Variants in KAZN observed in about 807,000 individuals in gnomAD.
KAZN encodes kazrin, periplakin interacting protein, also known as kazrin.
In KAZN, 40 loss-of-function variants were observed where a neutral mutation model predicts 87.4. The observed-to-expected ratio is 0.46, with a 90% CI of 0.36 to 0.60. The LOEUF (loss-of-function observed/expected upper bound fraction) is 0.60, where lower values mean the gene tolerates loss of function less well. Ranked by LOEUF, KAZN falls within the 20% of genes least tolerant of loss-of-function variation. The pLI, the probability that KAZN is intolerant of heterozygous loss-of-function variation, is 0.00. For synonymous variants in KAZN, 466 were observed against 458.3 expected, an observed-to-expected ratio of 1.02 and a Z score of -0.22; for missense variants, 898 against 1,073.9, an observed-to-expected ratio of 0.84 and a Z score of 2.29.
In KAZN at chr1:14,856,191, G is replaced by A. The variant is rs963885493; in HGVS notation, c.227-104493G>A. On this transcript the variant is annotated intron_variant, in intron 1 of 14. Transcript: ENST00000376030. This position sits in a 1 kb window ranked among gnomAD's most constrained non-coding sequence, Gnocchi z 5.2. ...GGCTGCAGCTCTTGGGAGGATAATG[G>A]GCATAGAAATTGGGGAGGGGATGAA... is the stretch of plus-strand genomic sequence containing the variant. Among the ~76,000 whole-genome samples, 2 of 152,120 alleles carry A rather than the reference G, an allele frequency of 1.3e-5. No homozygotes were observed. The highest frequency in any genetic ancestry group is 1.9e-4 in the East Asian group (1 of 5,184).
chr1:14,385,354 G>A (rs1158743108), intron 2 of KAZN, among the ~76,000 whole-genome samples: 1 of 152,044 alleles, frequency 6.6e-6, no homozygotes, highest in African/African-American at 2.4e-5. Context: ...CCTTCTGCTA[G>A]CTTTTGAATA....
chr1:15,094,257 C>G lies in KAZN; in HGVS notation c.1300C>G (p.Gln434Glu). 2 of 1,613,938 alleles carry G rather than the reference C, an allele frequency of 1.2e-6. No individual in the cohort carries two copies. Among genetic ancestry groups the G allele is most frequent in the South Asian group, 2.2e-5 (2 of 91,082 alleles). The change falls in exon 9 of 15, where the codon CAG (glutamine) becomes GAG (glutamate). Residue 434 changes from glutamine to glutamate, a missense_variant. Physicochemically the swap from Gln to Glu is conservative, Grantham distance 29 (BLOSUM62 2). This residue lies in a region of KAZN where 521 missense variants were observed against 689.4 expected (regional missense o/e 0.76). Coordinates refer to ENST00000376030, the MANE Select transcript of KAZN (RefSeq NM_201628.3). The surrounding 1 kb of genome is among the most constrained non-coding windows in gnomAD (Gnocchi z 4.5). ...EGEEQMDRLQ[Q>E]VELVRTTPMS... ...CGAGGAGCAGATGGACCGGCTGCAG[C>G]AGGTGGAGCTGGTGAGGACCACCCC...
chr1:14,809,727 A>G (rs1052856942), intron 1 of KAZN, among the ~76,000 whole-genome samples: 2 of 152,188 alleles, frequency 1.3e-5, no homozygotes, highest in Middle Eastern at 3.2e-3. Flanking sequence ...CAGCATGTAC[A>G]GTGCTCGCCG....
chr1:14,197,605 T>A (rs937217792), intron 2 of KAZN, among the ~76,000 whole-genome samples: 1 of 152,036 alleles, frequency 6.6e-6, no homozygotes, highest in Non-Finnish European at 1.5e-5. Context: ...GGAGAATCGT[T>A]TAAACCCAGG....
At chr1:14,768,473 G>A (rs948550069) in intron 1 of KAZN, among the ~76,000 whole-genome samples, 1 of 152,190 alleles carries the variant, frequency 6.6e-6, no homozygotes, top group Non-Finnish European at 1.5e-5. Flanking sequence ...TGCTGCCTTA[G>A]GATGTGTTGC....
intron 2 of KAZN, among the ~76,000 whole-genome samples, chr1:14,559,555 T>C (rs1674129292): frequency 6.6e-6 from 1 of 152,200 alleles, no homozygotes; most frequent in Admixed American, 6.5e-5. Context: ...TCAATGTGTT[T>C]GTGAGAATGG....
At chr1:14,614,232 A>G (rs984125060) in intron 1 of KAZN, among the ~76,000 whole-genome samples, 4 of 152,256 alleles carry the variant, frequency 2.6e-5, no homozygotes, top group Non-Finnish European at 5.9e-5. Flanking sequence ...CAGATTTATT[A>G]GAGAAGATGG....
chr1:14,314,948 G>A (rs1033687480), intron 2 of KAZN, among the ~76,000 whole-genome samples: 2 of 152,022 alleles, frequency 1.3e-5, no homozygotes, highest in African/African-American at 4.8e-5. Context: ...TTTGCATCTG[G>A]CTTTTTCACT....
chr1:14,111,537 T>C (rs1301922135), intron 1 of KAZN, among the ~76,000 whole-genome samples: 2 of 133,480 alleles, frequency 1.5e-5, no homozygotes, highest in Non-Finnish European at 3.2e-5. Flanking sequence ...AAGGAAATGG[T>C]TCGTTTTTCT....
intron 2 of KAZN, among the ~76,000 whole-genome samples, chr1:14,475,810 G>A (rs1668690190): frequency 6.6e-6 from 1 of 152,030 alleles, no homozygotes. Context: ...AGCCCAATGG[G>A]CATCTTTTTT....
rs536951010 is a variant in KAZN at position 14,514,281 on chromosome 1, C to T, written c.250-84702C>T. 9.0e-4 allele frequency among the ~76,000 whole-genome samples: 110 copies of T among 122,444 alleles called. No individual in the cohort carries two copies. In the East Asian group the frequency reaches 0.021, roughly 23 times the overall value. The allele number at this position is 122,444 out of a possible 152,430, so 80.3% of individuals were successfully genotyped here. The stretch of plus-strand genomic sequence containing the variant: ...CGGAGCTTGCAGTAAGCTGAGATCG[C>T]GCCACTGCACTCCAGCCTGGGTGAC... On this transcript the variant is annotated intron_variant, in intron 2 of 16. Coordinates refer to the KAZN transcript ENST00000636203.
chr1:13,963,909 T>G (rs929092752), intron 1 of KAZN, among the ~76,000 whole-genome samples: 6 of 152,126 alleles, frequency 3.9e-5, no homozygotes, highest in Admixed American at 1.3e-4. Flanking sequence ...CCAGCTGTGC[T>G]ATCTGGTTAC....
At chr1:14,480,148 T>A (rs1047412397) in intron 2 of KAZN, among the ~76,000 whole-genome samples, 3 of 152,240 alleles carry the variant, frequency 2.0e-5, no homozygotes, top group African/African-American at 7.2e-5. Context: ...AGCCTTCCCA[T>A]GTCACAGATG....
At chr1:15,000,564 G>A (rs556096194) in intron 2 of KAZN, among the ~76,000 whole-genome samples, 1 of 151,770 alleles carries the variant, frequency 6.6e-6, no homozygotes, top group Non-Finnish European at 1.5e-5. Flanking sequence ...GCCAAATGCT[G>A]CCCGGCCACT....
At chr1:14,799,375 G>A (rs973227007) in intron 1 of KAZN, among the ~76,000 whole-genome samples, 6 of 152,212 alleles carry the variant, frequency 3.9e-5, no homozygotes, top group African/African-American at 1.4e-4. Context: ...TGGGACACCT[G>A]TGGGAATGCC....
At chr1:14,207,658 T>C (rs1571018047) in intron 2 of KAZN, among the ~76,000 whole-genome samples, 1 of 152,196 alleles carries the variant, frequency 6.6e-6, no homozygotes. Flanking sequence ...CCCTTTAAAT[T>C]TGGGGGCTGG....
intron 2 of KAZN, among the ~76,000 whole-genome samples, chr1:14,457,055 G>A (rs1667605051): frequency 6.6e-6 from 1 of 152,186 alleles, no homozygotes; most frequent in Admixed American, 6.5e-5. Flanking sequence ...ACTCCAGCCT[G>A]GGTGACAGAG....
Position 15,011,054 on chromosome 1 carries a change from A to G in KAZN, c.419-23695A>G, listed in dbSNP as rs922850330. Among the ~76,000 whole-genome samples, 3 of 152,332 alleles carry G rather than the reference A, an allele frequency of 2.0e-5. No individual in the cohort carries two copies. The East Asian group carries it at 5.8e-4, about 29-fold the overall frequency. On this transcript the variant is annotated intron_variant, in intron 2 of 14. Coordinates refer to ENST00000376030, the MANE Select transcript of KAZN (RefSeq NM_201628.3). ...TTAGAAAAGTCAGATAACCCAAATG[A>G]TGTGTTCACCAAGATAGCCAAGGGT...
At chr1:14,355,184 G>T (rs895211736) in intron 2 of KAZN, among the ~76,000 whole-genome samples, 1 of 152,142 alleles carries the variant, frequency 6.6e-6, no homozygotes, top group East Asian at 1.9e-4. Flanking sequence ...GGTTGCTTTG[G>T]GTCAAGGAGG....
Sources: allele counts gnomAD v4.1 joint callset (sites outside exome capture counted in the v4.1 genomes callset), GRCh38; gene constraint gnomAD v4.1.1; regional missense constraint gnomAD v4.1.1; non-coding constraint Gnocchi (gnomAD v3.1); transcripts MANE v1.5; gene names NCBI Gene and HGNC (gene_info 2026-07-23, HGNC 2026-07-21).